The following MAF variants were observed in gnomAD, a reference collection of about 807,000 sequenced individuals.
MAF encodes transcription factor Maf.
MAF carries 10 observed loss-of-function variants against 22.0 expected under a neutral mutation model. That is an observed-to-expected ratio of 0.45 (90% CI 0.28 to 0.77). MAF has a LOEUF of 0.77. Among genes scored for constraint, MAF ranks in the 30% least tolerant of loss-of-function variants. The pLI is 0.12. For synonymous variants in MAF, 337 were observed against 255.8 expected (o/e 1.32, Z -3.03); for missense variants, 544 against 548.4 (o/e 0.99, Z 0.08).
At chr16:79,405,507 AG>A in the MAF span, among the ~76,000 whole-genome samples, 2 of 152,220 alleles carry the variant, frequency 1.3e-5, no homozygotes, top group African/African-American at 4.8e-5. Flanking sequence ...CATGGGGCAT[AG>A]AAGTCACTTC....
chr16:79,433,283 T>A, the MAF span, among the ~76,000 whole-genome samples: 5,407 of 143,522 alleles, frequency 0.038, 120 homozygotes, highest in African/African-American at 0.046. Flanking sequence ...AAAAAATATA[T>A]ATATATATAT....
the MAF span, among the ~76,000 whole-genome samples, chr16:79,574,480 GC>G: frequency 6.6e-6 from 1 of 152,162 alleles, no homozygotes; most frequent in Non-Finnish European, 1.5e-5. Context: ...GTTAAAATGA[GC>G]CATTCTAACA....
chr16:79,538,813 A>C, the MAF span, among the ~76,000 whole-genome samples: 1 of 150,976 alleles, frequency 6.6e-6, no homozygotes, highest in African/African-American at 2.4e-5. Flanking sequence ...GTGACAGAGC[A>C]TGACTCTGTC....
the MAF span, among the ~76,000 whole-genome samples, chr16:79,424,071 C>A: frequency 6.6e-6 from 1 of 152,168 alleles, no homozygotes; most frequent in Non-Finnish European, 1.5e-5. Context: ...GAGGTGCAGA[C>A]AAGACATCAA....
the MAF span, among the ~76,000 whole-genome samples, chr16:79,419,600 G>C: frequency 2.8e-4 from 43 of 152,094 alleles, no homozygotes; most frequent in Admixed American, 1.1e-3. Flanking sequence ...GTCTGTTCTG[G>C]AAAAACAAGA....
At chr16:79,289,526 C>G in the MAF span, among the ~76,000 whole-genome samples, 5 of 152,262 alleles carry the variant, frequency 3.3e-5, no homozygotes, top group Admixed American at 1.3e-4. Flanking sequence ...ATTCGCAGAA[C>G]ATTTATAGGC....
At position 79,599,131 on chromosome 16, in the gene MAF, C is replaced by G. The variant is rs747352903; in HGVS notation, c.772G>C (p.Asp258His). ...PHHAAGGLHF[D>H]DRFSDEQLVT... ...AGCTGCTCGTCGGAGAAGCGGTCGT[C>G]GAAGTGCAGGCCGCCGGCGGCGTGG... is the stretch of plus-strand genomic sequence containing the variant. The change falls in exon 1 of 2, where the codon GAC becomes CAC. Residue 258 changes from aspartate to histidine, a missense_variant. By Grantham distance (81) the Asp-to-His change is moderately conservative (BLOSUM62 -1). This residue lies in a region of MAF where 342 missense variants were observed against 315.5 expected (regional missense o/e 1.08). Transcript: ENST00000326043. 6.3e-7 allele frequency: 1 copy of G among 1,586,686 alleles called. No homozygotes were observed. Among genetic ancestry groups the G allele is most frequent in the Non-Finnish European group, 8.5e-7 (1 of 1,173,242 alleles).
chr16:79,536,338 T>G, the MAF span, among the ~76,000 whole-genome samples: 1 of 152,158 alleles, frequency 6.6e-6, no homozygotes, highest in Non-Finnish European at 1.5e-5. Context: ...CAAATGGGAA[T>G]TGAAAATATT....
the MAF span, among the ~76,000 whole-genome samples, chr16:79,390,744 A>T: frequency 1.3e-5 from 2 of 152,142 alleles, no homozygotes; most frequent in Non-Finnish European, 2.9e-5. Context: ...GAGAGATAAG[A>T]TATGGGTAGA....
chr16:79,309,451 T>A, the MAF span, among the ~76,000 whole-genome samples: 1 of 152,234 alleles, frequency 6.6e-6, no homozygotes, highest in African/African-American at 2.4e-5. Context: ...GCAACCTTAG[T>A]GAGAACTTAC....
chr16:79,445,332 T>G, the MAF span, among the ~76,000 whole-genome samples: 6 of 152,166 alleles, frequency 3.9e-5, no homozygotes, highest in Admixed American at 2.6e-4. Context: ...CGTGAGCCAC[T>G]GCGCCCGGCC....
chr16:79,376,871 G>C, the MAF span, among the ~76,000 whole-genome samples: 6,501 of 152,266 alleles, frequency 0.043, 275 homozygotes, highest in East Asian at 0.19. Context: ...TTTTATGGCT[G>C]CATAGTATTC....
the MAF span, among the ~76,000 whole-genome samples, chr16:79,413,210 G>GTTGT: frequency 3.1e-5 from 2 of 63,642 alleles, no homozygotes; most frequent in Non-Finnish European, 6.0e-5. Context: ...GAGCTGTGCA[G>GTTGT]TTTTTTTTTT....
the MAF span, among the ~76,000 whole-genome samples, chr16:79,439,934 G>T: frequency 3.3e-5 from 5 of 152,282 alleles, no homozygotes; most frequent in African/African-American, 1.2e-4. Context: ...TTGTTGATTT[G>T]CTTTTCTTTG....
the MAF span, among the ~76,000 whole-genome samples, chr16:79,572,126 T>C: frequency 5.3e-5 from 8 of 152,202 alleles, no homozygotes; most frequent in Admixed American, 2.6e-4. Context: ...TTTTTTACAT[T>C]TGTAGCATTT....
chr16:79,411,732 C>T, the MAF span, among the ~76,000 whole-genome samples: 717 of 152,334 alleles, frequency 4.7e-3, 1 homozygote, highest in Non-Finnish European at 7.3e-3. Context: ...ATGATTTGGG[C>T]TCCCCCAGGC....
the MAF span, among the ~76,000 whole-genome samples, chr16:79,380,050 C>A: frequency 1.3e-5 from 2 of 152,194 alleles, no homozygotes; most frequent in South Asian, 4.1e-4. Flanking sequence ...AGGCAAACAA[C>A]AGGTTTGGCA....
the MAF span, among the ~76,000 whole-genome samples, chr16:79,325,217 C>T: frequency 6.6e-6 from 1 of 152,182 alleles, no homozygotes; most frequent in Non-Finnish European, 1.5e-5. Context: ...ATCCACTACA[C>T]AGGCAAATAC....
At chr16:79,284,632 A>G in the MAF span, among the ~76,000 whole-genome samples, 1 of 152,254 alleles carries the variant, frequency 6.6e-6, no homozygotes, top group Non-Finnish European at 1.5e-5. Flanking sequence ...AATGTTAGTC[A>G]TAAAACAAGG....
Sources: allele counts gnomAD v4.1 joint callset (sites outside exome capture counted in the v4.1 genomes callset), GRCh38; gene constraint gnomAD v4.1.1; regional missense constraint gnomAD v4.1.1; transcripts MANE v1.5; gene names NCBI Gene and HGNC (gene_info 2026-07-23, HGNC 2026-07-21).